MRC2: variants seen among roughly 807,000 people sequenced by gnomAD.
MRC2 encodes the protein C-type mannose receptor 2.
MRC2 carries 84 observed loss-of-function variants against 206.2 expected under a neutral mutation model. The ratio of observed to expected loss-of-function variants is 0.41; its 90% CI spans 0.34 to 0.49. MRC2 has a LOEUF of 0.49. MRC2 is among the 20% of genes least tolerant of loss of function. MRC2 has a pLI of 0.31. For synonymous variants in MRC2, 798 were observed against 800.0 expected, an observed-to-expected ratio of 1.00 and a Z score of 0.04; for missense variants, 1,676 against 2,001.5, an observed-to-expected ratio of 0.84 and a Z score of 3.10.
At chr17:62,660,624 C>T (rs2088668719) in intron 1 of MRC2, among the ~76,000 whole-genome samples, 1 of 152,288 alleles carries the variant, frequency 6.6e-6, no homozygotes, top group South Asian at 2.1e-4. Flanking sequence ...ACTCAAACAA[C>T]CCCACCCTAG....
chr17:62,687,322 G>A (rs1328436768), intron 20 of MRC2, among the ~76,000 whole-genome samples: 2 of 152,082 alleles, frequency 1.3e-5, no homozygotes, highest in Non-Finnish European at 2.9e-5. Context: ...CACCACGCCT[G>A]GCTAATTTTA....
chr17:62,691,340 G>A (rs533723426), intron 28 of MRC2, among the ~76,000 whole-genome samples: 4 of 152,328 alleles, frequency 2.6e-5, no homozygotes, highest in African/African-American at 4.8e-5. Context: ...CACAAGGCTC[G>A]GGGGTCAGCA....
chr17:62,687,222 G>A (rs1399581692), intron 20 of MRC2, among the ~76,000 whole-genome samples: 2 of 152,024 alleles, frequency 1.3e-5, no homozygotes, highest in African/African-American at 2.4e-5. Context: ...GTGTAATGGC[G>A]TGATCTCAGC....
chr17:62,647,963 AG>A (rs2147445430), intron 1 of MRC2, among the ~76,000 whole-genome samples: 1 of 152,352 alleles, frequency 6.6e-6, no homozygotes, highest in East Asian at 1.9e-4. Flanking sequence ...CGCAGTGGAC[AG>A]GAGGAGTGTT....
At chr17:62,689,871 A>G in intron 24 of MRC2, 23 bp from the exon 25 acceptor site, 1 of 1,559,448 alleles carries the variant, frequency 6.4e-7, no homozygotes, top group Non-Finnish European at 8.7e-7. Context: ...CCTTCCTCCC[A>G]CCCCATGGCC....
In MRC2 at chr17:62,664,552, C is replaced by G. The variant is rs776614066; in HGVS notation, c.123C>G (p.Pro41=). 3 of 1,608,518 alleles carry G rather than the reference C, an allele frequency of 1.9e-6. No individual in the cohort carries two copies. Among genetic ancestry groups the G allele is most frequent in the Non-Finnish European group, 2.5e-6 (3 of 1,177,292 alleles). ...GTGTCTTGCCTTCCCTTCCAGAACC[C>G]AACGTCTTCCTCATCTTCAGCCATG... ...GAPGDAALPE[P]NVFLIFSHGL... Residue 41 remains proline (P), a synonymous_variant, in exon 2 of 30, where the codon CCC becomes CCG. Transcript: ENST00000303375. The surrounding 1 kb of genome is among the most constrained non-coding windows in gnomAD (Gnocchi z 4.7).
intron 1 of MRC2, among the ~76,000 whole-genome samples, chr17:62,641,895 C>CTGTGTGTGTGTGTG (rs4058579): frequency 1.1e-4 from 17 of 149,954 alleles, no homozygotes; most frequent in African/African-American, 3.4e-4. Context: ...ATCTCACTCT[C>CTGTGTGTGTGTGTG]TGTGTGTGTG....
chr17:62,636,527 G>C (rs1038102101), intron 1 of MRC2, among the ~76,000 whole-genome samples: 4 of 148,670 alleles, frequency 2.7e-5, no homozygotes, highest in Admixed American at 1.4e-4. Flanking sequence ...GGAGTGCAGC[G>C]GCGGGATCTC....
chr17:62,690,901 C>G, intron 27 of MRC2, 48 bp from the exon 28 acceptor site: 1 of 1,521,206 alleles, frequency 6.6e-7, no homozygotes, highest in Non-Finnish European at 8.8e-7. Context: ...CCTCCACCTA[C>G]TCCTGCCCCA....
At chr17:62,638,286 G>A (rs2088352178) in intron 1 of MRC2, among the ~76,000 whole-genome samples, 3 of 151,752 alleles carry the variant, frequency 2.0e-5, no homozygotes, top group African/African-American at 4.8e-5. Flanking sequence ...ATGATGCCAC[G>A]GTCATGAAAA....
chr17:62,690,504 G>A (rs2089094259), intron 26 of MRC2, 138 bp from the exon 27 acceptor site: 8 of 1,384,544 alleles, frequency 5.8e-6, no homozygotes, highest in Admixed American at 2.3e-5. Context: ...TTGCACATGT[G>A]CACACACACA....
At chr17:62,684,517 A>G (rs1598995941) in intron 20 of MRC2, among the ~76,000 whole-genome samples, 1 of 152,186 alleles carries the variant, frequency 6.6e-6, no homozygotes, top group Non-Finnish European at 1.5e-5. Flanking sequence ...CACCCCCTCC[A>G]TAGTGTGAGT....
chr17:62,630,650 G>A (rs766796099), intron 1 of MRC2, among the ~76,000 whole-genome samples: 30 of 152,164 alleles, frequency 2.0e-4, no homozygotes, highest in Non-Finnish European at 3.7e-4. Flanking sequence ...TCCGAGCAGA[G>A]GAATGAGGGG....
Position 62,676,404 on chromosome 17 carries a change from C to T in MRC2, c.1707C>T (p.Ser569=). 1 of 1,614,076 alleles carries T rather than the reference C, an allele frequency of 6.2e-7. No individual in the cohort carries two copies. The change falls in exon 11 of 30, where the codon AGC becomes AGT. Residue 569 remains serine, a synonymous_variant. Coordinates refer to ENST00000303375, the MANE Select transcript of MRC2 (RefSeq NM_006039.5). The stretch of plus-strand genomic sequence containing the variant: ...GAAGGTTCGAGCAGGCCTTCGTCAG[C>T]AGCCTCATCTACAACTGGGAGGGCG... ...ITNRFEQAFV[S]SLIYNWEGEY... is the part of the protein sequence containing the mutation.
chr17:62,689,392 G>T, intron 23 of MRC2, 130 bp from the exon 24 acceptor site: 1 of 634,568 alleles, frequency 1.6e-6, no homozygotes, highest in Non-Finnish European at 2.8e-6. Flanking sequence ...ACCAAGCCTT[G>T]GTCTGGGCCA....
At chr17:62,679,117 C>T (rs2088929705) in intron 13 of MRC2, among the ~76,000 whole-genome samples, 2 of 152,216 alleles carry the variant, frequency 1.3e-5, no homozygotes, top group African/African-American at 4.8e-5. Context: ...GAGACACCAC[C>T]TCTGTCCTGG....
chr17:62,640,017 C>CTTTTTTTTTTTTTTTTTTTTTTTT, intron 1 of MRC2, among the ~76,000 whole-genome samples: 1 of 74,350 alleles, frequency 1.3e-5, no homozygotes, highest in Non-Finnish European at 2.4e-5. Context: ...CCATGCCCAG[C>CTTTTTTTTTTTTTTTTTTTTTTTT]TTTTTTTTTT....
chr17:62,660,621 C>G (rs573979984), intron 1 of MRC2, among the ~76,000 whole-genome samples: 1 of 152,294 alleles, frequency 6.6e-6, no homozygotes, highest in South Asian at 2.1e-4. Flanking sequence ...AAAACTCAAA[C>G]AACCCCACCC....
intron 1 of MRC2, among the ~76,000 whole-genome samples, chr17:62,633,711 C>T (rs1297487304): frequency 6.7e-6 from 1 of 149,702 alleles, no homozygotes; most frequent in Non-Finnish European, 1.5e-5. Context: ...TGTCCTGGCT[C>T]ATTCCTGTAG....
Sources: gnomAD v4.1 joint callset for allele counts (sites outside exome capture counted in the v4.1 genomes callset) on GRCh38, gnomAD v4.1.1 for gene constraint, Gnocchi (gnomAD v3.1) non-coding constraint, MANE v1.5 for transcripts, NCBI Gene and HGNC (gene_info 2026-07-23, HGNC 2026-07-21) for gene names.